FAM171A1: variants seen among roughly 807,000 people sequenced by gnomAD.
FAM171A1 encodes the protein family with sequence similarity 171 member A1, also known as protein FAM171A1.
A neutral mutation model predicts 74.9 loss-of-function variants in FAM171A1; 23 were observed. That is an observed-to-expected ratio of 0.31 (90% CI 0.22 to 0.44). FAM171A1 has a LOEUF of 0.44. Among genes scored for constraint, FAM171A1 ranks in the 20% least tolerant of loss-of-function variants. The probability of loss-of-function intolerance (pLI) is 1.00; values close to 1 mark genes in which losing one functional copy is unlikely to be tolerated. For synonymous variants in FAM171A1, 527 were observed against 505.7 expected (o/e 1.04, Z -0.57); for missense variants, 1,162 against 1,159.2 (o/e 1.00, Z -0.03).
chr10:15,336,618 C>T (rs1231402896), intron 1 of FAM171A1, among the ~76,000 whole-genome samples: 1 of 152,030 alleles, frequency 6.6e-6, no homozygotes, highest in Non-Finnish European at 1.5e-5. Context: ...TTGTGTCTGG[C>T]CAGAAATGCT....
chr10:15,249,053 C>T (rs1454785126), intron 4 of FAM171A1, among the ~76,000 whole-genome samples: 1 of 151,382 alleles, frequency 6.6e-6, no homozygotes, highest in East Asian at 1.9e-4. Flanking sequence ...AGGGCATACA[C>T]TCAGTATGGG....
chr10:15,299,651 T>C (rs1365306550), intron 1 of FAM171A1, among the ~76,000 whole-genome samples: 1 of 151,914 alleles, frequency 6.6e-6, no homozygotes, highest in Admixed American at 6.6e-5. Context: ...TGGGAGCCAG[T>C]AGTGAAGAAA....
At position 15,214,026 on chromosome 10, in the gene FAM171A1, G is replaced by A. The variant is rs752713972; in HGVS notation, c.1562C>T (p.Pro521Leu). 6.2e-7 allele frequency: 1 copy of A among 1,614,180 alleles called. No individual in the cohort carries two copies. The highest frequency in any genetic ancestry group is 1.1e-5 in the South Asian group (1 of 91,084). Residue 521 changes from proline to leucine, a missense_variant, in exon 8 of 8, where the codon CCC (proline) becomes CTC (leucine). Pro to Leu is a moderately conservative substitution (Grantham distance 98). Transcript: ENST00000378116. Reference sequence around the variant, plus strand: ...TTCTTTCTCAGGTGATGAAGGCGCGGGGTACAGATGTTCCTGAATGGTGAG... The same window carrying A: ...TTCTTTCTCAGGTGATGAAGGCGCGAGGTACAGATGTTCCTGAATGGTGAG... ...SKLTIQEHLY[P>L]APSSPEKEQL... is the part of the protein sequence containing the mutation.
intron 1 of FAM171A1, among the ~76,000 whole-genome samples, chr10:15,353,469 C>T (rs1359779511): frequency 6.6e-6 from 1 of 152,062 alleles, no homozygotes; most frequent in African/African-American, 2.4e-5. Flanking sequence ...GACTTCCTGT[C>T]ACATGAAACC....
At chr10:15,242,504 C>T (rs946897536) in intron 5 of FAM171A1, among the ~76,000 whole-genome samples, 5 of 152,342 alleles carry the variant, frequency 3.3e-5, no homozygotes, top group East Asian at 1.9e-4. Context: ...AAGACCATTT[C>T]GGCCGGGCGC....
chr10:15,360,002 A>G (rs1000958262), intron 1 of FAM171A1, among the ~76,000 whole-genome samples: 3 of 152,148 alleles, frequency 2.0e-5, no homozygotes, highest in Non-Finnish European at 2.9e-5. Flanking sequence ...TTATGTGATC[A>G]CGGCTCACTG....
chr10:15,233,568 G>A (rs1402713953), intron 5 of FAM171A1, among the ~76,000 whole-genome samples: 4 of 149,964 alleles, frequency 2.7e-5, no homozygotes, highest in South Asian at 4.3e-4. Flanking sequence ...ATGTGTGTGC[G>A]TAAAAATAAT....
chr10:15,253,761 G>C (rs932684094), intron 4 of FAM171A1, among the ~76,000 whole-genome samples: 1 of 152,174 alleles, frequency 6.6e-6, no homozygotes, highest in African/African-American at 2.4e-5. Context: ...GCTGTGATTA[G>C]TTTAAAGTGT....
intron 1 of FAM171A1, among the ~76,000 whole-genome samples, chr10:15,313,853 T>A (rs1166164217): frequency 2.0e-5 from 3 of 152,224 alleles, no homozygotes; most frequent in African/African-American, 4.8e-5. Context: ...AAAGCAAGCC[T>A]CCACCTTCCC....
Position 15,370,966 on chromosome 10 carries a change from G to C in FAM171A1, c.87C>G (p.Ala29=), listed in dbSNP as rs1264581709. 8.5e-6 allele frequency: 10 copies of C among 1,173,590 alleles called. No homozygotes were observed. In the South Asian group the frequency reaches 9.3e-5, roughly 11 times the overall value. The allele number at this position is 1,173,590 out of a possible 1,614,324, so 72.7% of individuals were successfully genotyped here. A position where few individuals can be genotyped will look rare whatever the true frequency, so the allele number is the denominator to read the frequency against. Residue 29 remains alanine (A), a synonymous_variant, in exon 1 of 8, where the codon GCC becomes GCG. Coordinates refer to ENST00000378116, the MANE Select transcript of FAM171A1 (RefSeq NM_001010924.2). ...CCGCCGCCCACTGACCTTGGGCTCC[G>C]GCGCCGGGCTCCCGCAGCGTCTTGG... ...AVTKTLREPG[A]GAQEVTLKVH...
chr10:15,283,103 G>A (rs907225829), intron 2 of FAM171A1, among the ~76,000 whole-genome samples: 1 of 152,164 alleles, frequency 6.6e-6, no homozygotes, highest in African/African-American at 2.4e-5. Flanking sequence ...CCAAAGCTCT[G>A]TCCATCTTTG....
intron 4 of FAM171A1, among the ~76,000 whole-genome samples, chr10:15,251,218 T>C (rs1834503062): frequency 1.3e-5 from 2 of 152,206 alleles, no homozygotes; most frequent in Admixed American, 1.3e-4. Context: ...TGGACAGCAA[T>C]GTGCATTAGG....
chr10:15,373,126 A>G (rs1278899934), upstream of FAM171A1, among the ~76,000 whole-genome samples: 2 of 152,206 alleles, frequency 1.3e-5, no homozygotes, highest in Non-Finnish European at 2.9e-5. Context: ...AGACATGAGA[A>G]AAACTAGGAC....
At chr10:15,337,055 T>G (rs1333364640) in intron 1 of FAM171A1, among the ~76,000 whole-genome samples, 1 of 151,918 alleles carries the variant, frequency 6.6e-6, no homozygotes, top group Non-Finnish European at 1.5e-5. Context: ...TTTTTTTTTT[T>G]TTTTTGGTAG....
chr10:15,301,236 G>A (rs1011251865), intron 1 of FAM171A1, among the ~76,000 whole-genome samples: 31 of 152,008 alleles, frequency 2.0e-4, no homozygotes, highest in African/African-American at 6.0e-4. Context: ...GCAGTGGCGC[G>A]ATCTCGGCTC....
At chr10:15,266,275 C>T (rs1471902412) in intron 3 of FAM171A1, among the ~76,000 whole-genome samples, 3 of 152,162 alleles carry the variant, frequency 2.0e-5, no homozygotes, top group African/African-American at 7.2e-5. Context: ...GCTGCTGGGT[C>T]CCACCTGCGG....
intron 1 of FAM171A1, among the ~76,000 whole-genome samples, chr10:15,341,834 G>C (rs1008300458): frequency 2.0e-5 from 3 of 152,226 alleles, no homozygotes; most frequent in Non-Finnish European, 4.4e-5. Flanking sequence ...TGCCTAGACA[G>C]AGGGAGACTC....
At chr10:15,232,180 T>C (rs1834216020) in intron 5 of FAM171A1, among the ~76,000 whole-genome samples, 1 of 152,116 alleles carries the variant, frequency 6.6e-6, no homozygotes, top group South Asian at 2.1e-4. Context: ...ACCTGGCTGG[T>C]TCCAAGCTTG....
chr10:15,301,364 T>TATATATATA (rs1323089320), intron 1 of FAM171A1, among the ~76,000 whole-genome samples: 13 of 102,888 alleles, frequency 1.3e-4, no homozygotes, highest in South Asian at 3.6e-4. Flanking sequence ...ATATATATAT[T>TATATATATA]TTTTTTTTTT....
Sources: allele counts gnomAD v4.1 joint callset (sites outside exome capture counted in the v4.1 genomes callset), GRCh38; gene constraint gnomAD v4.1.1; transcripts MANE v1.5; gene names NCBI Gene and HGNC (gene_info 2026-07-23, HGNC 2026-07-21).